Variants in AGAP3 observed in about 807,000 individuals in gnomAD.
AGAP3 encodes the protein ArfGAP with GTPase domain, ankyrin repeat and PH domain 3.
In AGAP3, 24 loss-of-function variants were observed where a neutral mutation model predicts 96.9. The ratio of observed to expected loss-of-function variants is 0.25; its 90% CI spans 0.18 to 0.35. The LOEUF is 0.35. Among genes scored for constraint, AGAP3 ranks in the 10% least tolerant of loss-of-function variants. The probability of loss-of-function intolerance (pLI) is 1.00; values close to 1 mark genes in which losing one functional copy is unlikely to be tolerated. For missense variants in AGAP3, 876 were observed against 1,254.2 expected, an observed-to-expected ratio of 0.70 and a Z score of 4.55; for synonymous variants, 563 against 536.1, an observed-to-expected ratio of 1.05 and a Z score of -0.69.
intron 8 of AGAP3, among the ~76,000 whole-genome samples, chr7:151,121,471 G>A (rs928200759): frequency 5.3e-5 from 8 of 152,088 alleles, no homozygotes. Context: ...TCAGTCATCC[G>A]CTGCCTCAGT....
Position 151,111,275 on chromosome 7 carries a change from G to A in AGAP3, c.332-5518G>A, listed in dbSNP as rs1799272101. ...GGGCCTGACTGTTTGGGAGGGCCAC[G>A]GTGGTTCTGGGACCACACCTGGCTG... On this transcript the variant is annotated intron_variant, in intron 1 of 17. Transcript: ENST00000397238. Among the ~76,000 whole-genome samples the A allele has an allele frequency of 2.6e-5, 4 of 152,310 alleles. No homozygotes were observed. The South Asian group carries it at 8.3e-4, about 32-fold the overall frequency.
Position 151,142,443 on chromosome 7 carries a change from C to T in AGAP3, c.2082C>T (p.Ala694=). 6.2e-7 allele frequency: 1 copy of T among 1,613,960 alleles called. No individual in the cohort carries two copies. Residue 694 remains alanine, a synonymous_variant, in exon 16 of 18, where the codon GCC becomes GCT. Transcript: ENST00000397238. The surrounding 1 kb of genome is among the most constrained non-coding windows in gnomAD (Gnocchi z 7.5). Reference sequence around the variant, plus strand: ...ACTGGGCCAGCCTGAACCTGGGTGCCCTGATGTGCATTGAGTGCTCAGGCA... The same window carrying T: ...ACTGGGCCAGCCTGAACCTGGGTGCTCTGATGTGCATTGAGTGCTCAGGCA... ...NPDWASLNLG[A]LMCIECSGIH...
At position 151,140,320 on chromosome 7, in the gene AGAP3, C is replaced by T. The variant is rs1800770509; in HGVS notation, c.1804+204C>T. 1 of 495,710 alleles carries T rather than the reference C, an allele frequency of 2.0e-6. No individual in the cohort carries two copies. The allele number at this position is 495,710 out of a possible 1,614,324, so 30.7% of individuals were successfully genotyped here. Reference sequence around the variant, plus strand: ...AAAAGTTCTTCTGATAACTGAAACCCTTTCTGTTGAAATGTGGGCTTACTT... The same window carrying T: ...AAAAGTTCTTCTGATAACTGAAACCTTTTCTGTTGAAATGTGGGCTTACTT... On this transcript the variant is annotated intron_variant, in intron 13 of 17. Coordinates refer to ENST00000397238, the MANE Select transcript of AGAP3 (RefSeq NM_031946.7). The surrounding 1 kb of genome is among the most constrained non-coding windows in gnomAD (Gnocchi z 5.4).
At chr7:151,097,532 A>G (rs1367501913) in intron 1 of AGAP3, among the ~76,000 whole-genome samples, 2 of 151,912 alleles carry the variant, frequency 1.3e-5, no homozygotes, top group East Asian at 1.9e-4. Context: ...AAAAAAAAAA[A>G]AAAGAAAAAG....
intron 1 of AGAP3, chr7:151,115,027 G>A (rs1449727959): frequency 2.0e-6 from 2 of 991,704 alleles, no homozygotes; most frequent in South Asian, 4.4e-5. Context: ...CGCCTCGGCC[G>A]CCGGGGCCTG....
chr7:151,123,284 G>GTC, intron 8 of AGAP3: 1 of 1,051,522 alleles, frequency 9.5e-7, no homozygotes, highest in Non-Finnish European at 1.1e-6. Flanking sequence ...TGCCCCAGGA[G>GTC]CTTGACAGGG....
chr7:151,130,212 G>A (rs1393452175), intron 10 of AGAP3, among the ~76,000 whole-genome samples: 1 of 152,178 alleles, frequency 6.6e-6, no homozygotes, highest in Admixed American at 6.5e-5. Flanking sequence ...AGCTTGGTGC[G>A]CTGTCTGTGC....
intron 8 of AGAP3, chr7:151,120,728 C>G (rs1799841920): frequency 8.3e-7 from 1 of 1,211,766 alleles, no homozygotes; most frequent in Non-Finnish European, 1.1e-6. Context: ...ACCACGCTGC[C>G]TCGTTCCTCC....
At chr7:151,138,462 CAG>C (rs1011985615) in intron 12 of AGAP3, 149 bp downstream of exon 12, 4 of 900,576 alleles carry the variant, frequency 4.4e-6, no homozygotes, top group Non-Finnish European at 6.5e-6. Context: ...CTGGGCTTGT[CAG>C]AGAGACCCTG....
chr7:151,134,448 A>G lies in AGAP3; in HGVS notation c.1375A>G (p.Thr459Ala), dbSNP rs1800514257. 5.6e-6 allele frequency: 9 copies of G among 1,613,444 alleles called. No individual in the cohort carries two copies. Among genetic ancestry groups the G allele is most frequent in the Non-Finnish European group, 7.6e-6 (9 of 1,180,004 alleles). ...HGKEIDLLRT[T>A]VKVPGKRLPR... ...CAAGGAGATTGACCTGCTGCGGACA[A>G]CGGTGAAAGTGCCAGGGAAGCGCCT... Residue 459 changes from threonine (T) to alanine (A), a missense_variant, in exon 11 of 18, where the codon ACG (threonine) becomes GCG (alanine). This residue lies in a region of AGAP3 where 63 missense variants were observed against 114.5 expected (regional missense o/e 0.55). Coordinates refer to ENST00000397238, the MANE Select transcript of AGAP3 (RefSeq NM_031946.7).
chr7:151,086,878 G>T lies in AGAP3; in HGVS notation c.137G>T (p.Gly46Val). The T allele has an allele frequency of 7.8e-7, 1 of 1,276,828 alleles. No individual in the cohort carries two copies. The highest frequency in any genetic ancestry group is 1.0e-6 in the Non-Finnish European group (1 of 1,002,176). The allele number at this position is 1,276,828 out of a possible 1,614,324, so 79.1% of individuals were successfully genotyped here. The change falls in exon 1 of 18, where the codon GGC (glycine) becomes GTC (valine). Residue 46 changes from glycine to valine, a missense_variant. Physicochemically the swap from Gly to Val is moderately radical, Grantham distance 109. This residue lies in a region of AGAP3 where 62 missense variants were observed against 82.8 expected (regional missense o/e 0.75). Coordinates refer to ENST00000397238, the MANE Select transcript of AGAP3 (RefSeq NM_031946.7). ...GGCGCGGGGCCCGGGGCCGGGGGCG[G>T]CGGCGGCCCCTCGCAGCAGCTGGCC... ...FGGAGPGAGG[G>V]GGPSQQLAGG...
At chr7:151,106,697 G>A (rs1004092641) in intron 1 of AGAP3, among the ~76,000 whole-genome samples, 3 of 152,182 alleles carry the variant, frequency 2.0e-5, no homozygotes, top group African/African-American at 7.2e-5. Flanking sequence ...GGCTGATCTC[G>A]AACTCCTGAC....
At chr7:151,097,442 GA>G (rs1392910153) in intron 1 of AGAP3, among the ~76,000 whole-genome samples, 7 of 147,692 alleles carry the variant, frequency 4.7e-5, no homozygotes, top group African/African-American at 1.5e-4. Context: ...TGGGGCAGGA[GA>G]ATCACTTGAA....
rs753214895 is a variant in AGAP3, at chr7:151,118,379, C to T, written c.841+35C>T. On this transcript the variant is annotated intron_variant, in intron 6 of 17. Coordinates refer to ENST00000397238, the MANE Select transcript of AGAP3 (RefSeq NM_031946.7). This position sits in a 1 kb window ranked among gnomAD's most constrained non-coding sequence, Gnocchi z 6.1. ...GTGCCGGGTGGGAGTCACTGGCAGC[C>T]GCGGCCCCAGTGCTGGCGATAGGAA... The T allele has an allele frequency of 2.3e-5, 36 of 1,597,698 alleles. No homozygotes were observed. The highest frequency in any genetic ancestry group is 9.0e-5 in the East Asian group (4 of 44,498).
In AGAP3 at chr7:151,114,879, GGCCGCGCTGCC is replaced by G. The variant is rs1238160406; in HGVS notation, c.332-1908_332-1898del. 2 of 1,010,058 alleles carry G rather than the reference GGCCGCGCTGCC, an allele frequency of 2.0e-6. No individual in the cohort carries two copies. The highest frequency in any genetic ancestry group is 2.4e-6 in the Non-Finnish European group (2 of 848,880). The allele number at this position is 1,010,058 out of a possible 1,614,324, so 62.6% of individuals were successfully genotyped here. ...GCTGGACCTGCACGGCGCCTCGGCCGGCCGCGCTGCCGCCGCCCTGCAGGCCGCCCTCTGCG... is the reference window on the plus strand; with the variant it reads ...GCTGGACCTGCACGGCGCCTCGGCCGGCCGCCCTGCAGGCCGCCCTCTGCG... On this transcript the variant is annotated intron_variant, in intron 1 of 17. Transcript: ENST00000397238. The surrounding 1 kb of genome is among the most constrained non-coding windows in gnomAD (Gnocchi z 4.4).
At chr7:151,105,792 C>CCACACACACACACACACACACACACACA (rs60071807) in intron 1 of AGAP3, among the ~76,000 whole-genome samples, 16 of 26,918 alleles carry the variant, frequency 5.9e-4, no homozygotes, top group African/African-American at 2.7e-3. Flanking sequence ...CCCCCCGACA[C>CCACACACACACACACACACACACACACA]CACACACACA....
intron 1 of AGAP3, among the ~76,000 whole-genome samples, chr7:151,095,081 C>G (rs1387027260): frequency 1.3e-5 from 2 of 152,212 alleles, no homozygotes; most frequent in African/African-American, 4.8e-5. Context: ...GTCTGTGTTG[C>G]CCAGGCTGGT....
At chr7:151,090,800 C>T (rs1233079066) in intron 1 of AGAP3, among the ~76,000 whole-genome samples, 11 of 152,054 alleles carry the variant, frequency 7.2e-5, no homozygotes, top group Admixed American at 5.2e-4. Flanking sequence ...AAAAATTAGC[C>T]GGGCGTGGTG....
chr7:151,092,028 C>CT (rs1288778135), intron 1 of AGAP3, among the ~76,000 whole-genome samples: 23 of 152,112 alleles, frequency 1.5e-4, no homozygotes, highest in African/African-American at 5.3e-4. Flanking sequence ...GTGGGCAGGA[C>CT]CCTGGTGAAG....
Sources: allele counts gnomAD v4.1 joint callset (sites outside exome capture counted in the v4.1 genomes callset), GRCh38; gene constraint gnomAD v4.1.1; regional missense constraint gnomAD v4.1.1; non-coding constraint Gnocchi (gnomAD v3.1); transcripts MANE v1.5; gene names NCBI Gene and HGNC (gene_info 2026-07-23, HGNC 2026-07-21).